SIPA1L3: variants seen among roughly 807,000 people sequenced by gnomAD.
SIPA1L3 encodes signal induced proliferation associated 1 like 3.
A neutral mutation model predicts 150.1 loss-of-function variants in SIPA1L3; 59 were observed. The observed-to-expected ratio is 0.39, with a 90% confidence interval of 0.32 to 0.49. The LOEUF is 0.49. Among genes scored for constraint, SIPA1L3 ranks in the 20% least tolerant of loss-of-function variants. The pLI is 0.86. For synonymous variants in SIPA1L3, 1,070 were observed against 1,077.6 expected, an observed-to-expected ratio of 0.99 and a Z score of 0.14; for missense variants, 2,211 against 2,489.5, an observed-to-expected ratio of 0.89 and a Z score of 2.38.
chr19:38,118,381 CGCCACT>C (rs150605258), intron 8 of SIPA1L3, among the ~76,000 whole-genome samples: 22,668 of 151,706 alleles, frequency 0.15, 1,755 homozygotes, highest in African/African-American at 0.19. Context: ...GCCGAGATTG[CGCCACT>C]GCCCTGAGGG....
chr19:37,910,530 G>GA (rs571813302), intron 1 of SIPA1L3, among the ~76,000 whole-genome samples: 4,724 of 103,932 alleles, frequency 0.045, 104 homozygotes, highest in Non-Finnish European at 0.07. Context: ...CCCTGTCTCA[G>GA]AAAAAAAAAA....
chr19:38,015,317 C>G (rs1279628747), intron 1 of SIPA1L3, among the ~76,000 whole-genome samples: 1 of 152,192 alleles, frequency 6.6e-6, no homozygotes, highest in Non-Finnish European at 1.5e-5. Flanking sequence ...TTTTGACTTA[C>G]TGATGACGAA....
At chr19:38,097,890 A>G (rs2145852901) in intron 4 of SIPA1L3, among the ~76,000 whole-genome samples, 1 of 152,320 alleles carries the variant, frequency 6.6e-6, no homozygotes, top group Admixed American at 6.5e-5. Context: ...ATACCTCACC[A>G]TACACATACC....
intron 3 of SIPA1L3, among the ~76,000 whole-genome samples, chr19:38,088,217 A>G (rs191607920): frequency 1.3e-4 from 20 of 152,358 alleles, no homozygotes; most frequent in African/African-American, 3.4e-4. Context: ...TGAAAATGCT[A>G]TCTAGCGACT....
chr19:38,164,598 C>T lies in SIPA1L3; in HGVS notation c.3900C>T (p.Pro1300=). 6.2e-7 allele frequency: 1 copy of T among 1,614,180 alleles called. No individual in the cohort carries two copies. ...PLDPLEPEQD[P]LSKGGSSDSG... The stretch of plus-strand genomic sequence containing the variant: ...ACCCCCTGGAGCCAGAGCAAGACCC[C>T]CTCTCCAAGGGTGGCTCTAGTGACA... Residue 1300 remains proline (P), a synonymous_variant, in exon 15 of 22, where the codon CCC becomes CCT. Transcript: ENST00000222345. This position sits in a 1 kb window ranked among gnomAD's most constrained non-coding sequence, Gnocchi z 4.1.
At chr19:37,945,911 T>A (rs1291816939) in intron 1 of SIPA1L3, among the ~76,000 whole-genome samples, 1 of 152,112 alleles carries the variant, frequency 6.6e-6, no homozygotes, top group African/African-American at 2.4e-5. Context: ...TACCAGCACT[T>A]TGGGAGGCCA....
At chr19:38,007,585 C>T (rs1249540625) in intron 1 of SIPA1L3, among the ~76,000 whole-genome samples, 1 of 151,294 alleles carries the variant, frequency 6.6e-6, no homozygotes. Flanking sequence ...CCCTGGAGCA[C>T]TCTTCATTAT....
intron 13 of SIPA1L3, among the ~76,000 whole-genome samples, chr19:38,155,637 G>A (rs1971929301): frequency 6.6e-6 from 1 of 152,170 alleles, no homozygotes; most frequent in African/African-American, 2.4e-5. Context: ...TGGGAGGGGT[G>A]GAGATGTCCT....
intron 4 of SIPA1L3, among the ~76,000 whole-genome samples, chr19:38,089,693 A>G (rs1484655523): frequency 6.6e-6 from 1 of 152,244 alleles, no homozygotes; most frequent in African/African-American, 2.4e-5. Flanking sequence ...CTTCCCCTGG[A>G]TTAAATGTCA....
Position 37,923,091 on chromosome 19 carries a change from C to T in SIPA1L3, c.-379+15733C>T, listed in dbSNP as rs548512105. On this transcript the variant is annotated intron_variant, in intron 1 of 21. Coordinates refer to ENST00000222345, the MANE Select transcript of SIPA1L3 (RefSeq NM_015073.3). ...GGTGGAGCTTACAGTGAGCCGAGAT[C>T]GCGCCACTGCACTCCAGCCTGGGCG... Among the ~76,000 whole-genome samples the T allele has an allele frequency of 3.9e-4, 59 of 150,820 alleles. 1 individual carries two copies. In the East Asian group the frequency reaches 9.6e-3, roughly 25 times the overall value.
In SIPA1L3 at chr19:38,203,963, C is replaced by T. The variant is rs537880923; in HGVS notation, c.5121-164C>T. The T allele has an allele frequency of 7.3e-4, 445 of 606,492 alleles. 1 individual carries two copies. Among genetic ancestry groups the T allele is most frequent in the Non-Finnish European group, 1.1e-3 (368 of 343,678 alleles). 37.6% of individuals were successfully genotyped at this position (606,492 alleles called of 1,614,324 possible). On this transcript the variant is annotated intron_variant, in intron 20 of 21. Transcript: ENST00000222345. ...GGTGCCCTTGGTGGGTGGAGTGTGC[C>T]GGGTGGAGGGCTGGCTTCCTGCTTC...
chr19:38,086,217 A>G (rs1019134571), intron 3 of SIPA1L3, among the ~76,000 whole-genome samples: 1 of 152,030 alleles, frequency 6.6e-6, no homozygotes. Context: ...TTTTCAACCT[A>G]CACGTACAAA....
In SIPA1L3 at chr19:38,042,663, A is replaced by G. The variant is rs1968953332; in HGVS notation, c.-311+13507A>G. The stretch of plus-strand genomic sequence containing the variant: ...AAGTGAAAGACCCTGAAATATAGCT[A>G]CATTTTCTAAGGATAATATTTTGGG... On this transcript the variant is annotated intron_variant, in intron 2 of 21. Transcript: ENST00000222345. Among the ~76,000 whole-genome samples, 6 of 152,362 alleles carry G rather than the reference A, an allele frequency of 3.9e-5. No individual in the cohort carries two copies. In the South Asian group the frequency reaches 1.2e-3, roughly 32 times the overall value.
intron 16 of SIPA1L3, chr19:38,184,987 C>G (rs146259937): frequency 6.5e-6 from 1 of 152,744 alleles, no homozygotes; most frequent in East Asian, 1.9e-4. Context: ...GTTCCAGCCA[C>G]ACTGGCCTCT....
rs755629457 is a variant in SIPA1L3, at chr19:38,082,734, A to G, written c.1169A>G (p.His390Arg). 5 of 1,612,312 alleles carry G rather than the reference A, an allele frequency of 3.1e-6. No individual in the cohort carries two copies. The highest frequency in any genetic ancestry group is 3.4e-6 in the Non-Finnish European group (4 of 1,179,688). Residue 390 changes from histidine to arginine, a missense_variant, in exon 3 of 22, where the codon CAC becomes CGC. By Grantham distance (29) the His-to-Arg change is conservative. Around this residue, in one of 5 missense-constraint regions of SIPA1L3, gnomAD observed 587 missense variants for 534.5 expected, o/e 1.10. Transcript: ENST00000222345. ...AMASLTASRAHSLGGLDPAFT... is the reference protein window; with the variant it reads ...AMASLTASRARSLGGLDPAFT... ...GCCTCCCTCACGGCCTCGCGGGCCC[A>G]CAGCCTCGGAGGCCTGGACCCGGCC...
intron 15 of SIPA1L3, among the ~76,000 whole-genome samples, chr19:38,178,327 A>G (rs1600175805): frequency 1.3e-5 from 2 of 151,474 alleles, no homozygotes; most frequent in Admixed American, 6.6e-5. Context: ...ACATAGCAAG[A>G]CCCCGTCCCT....
chr19:37,957,605 G>A (rs767685464), intron 1 of SIPA1L3, among the ~76,000 whole-genome samples: 2 of 151,054 alleles, frequency 1.3e-5, no homozygotes, highest in Non-Finnish European at 2.9e-5. Flanking sequence ...ACCCAGTCTG[G>A]AGTGCAGTGG....
chr19:37,939,848 C>T (rs143620745), intron 1 of SIPA1L3, among the ~76,000 whole-genome samples: 7 of 152,282 alleles, frequency 4.6e-5, no homozygotes, highest in Non-Finnish European at 1.0e-4. Context: ...CCGGTAATGT[C>T]ACTAGTTCTG....
intron 1 of SIPA1L3, among the ~76,000 whole-genome samples, chr19:37,918,789 C>T (rs1022984807): frequency 4.6e-5 from 7 of 151,712 alleles, no homozygotes; most frequent in African/African-American, 1.2e-4. Context: ...GAGAATCAAA[C>T]GAACCCAGGA....
Sources: gnomAD v4.1 joint callset for allele counts (sites outside exome capture counted in the v4.1 genomes callset) on GRCh38, gnomAD v4.1.1 for gene constraint, gnomAD v4.1.1 regional missense constraint, Gnocchi (gnomAD v3.1) non-coding constraint, MANE v1.5 for transcripts, NCBI Gene and HGNC (gene_info 2026-07-23, HGNC 2026-07-21) for gene names.